The following TSPAN2 variants were observed in gnomAD, a reference collection of about 807,000 sequenced individuals.
TSPAN2 encodes tetraspanin 2.
Under a neutral mutation model 33.3 loss-of-function variants are expected in TSPAN2, and 24 were observed. The ratio of observed to expected loss-of-function variants is 0.72; its 90% confidence interval spans 0.52 to 1.01. The LOEUF (loss-of-function observed/expected upper bound fraction) is 1.01, where lower values mean the gene tolerates loss of function less well. TSPAN2 is among the 50% of genes least tolerant of loss of function. TSPAN2 has a pLI of 0.00. For synonymous variants in TSPAN2, 114 were observed against 104.5 expected, an observed-to-expected ratio of 1.09 and a Z score of -0.56; for missense variants, 278 against 281.3, an observed-to-expected ratio of 0.99 and a Z score of 0.08.
At chr1:115,082,153 T>C (rs1648649381) in intron 1 of TSPAN2, among the ~76,000 whole-genome samples, 1 of 152,256 alleles carries the variant, frequency 6.6e-6, no homozygotes, top group Non-Finnish European at 1.5e-5. Context: ...AGCTCTGAAA[T>C]GTAGCTAGTG....
Position 115,049,358 on chromosome 1 carries a change from T to C in TSPAN2, c.*1132A>G, listed in dbSNP as rs1427890458. ...TAGGAGAAGATGCTTTTCTTTATTT[T>C]GGTTTGGCCAAAGATGCTAATGGTT... is the stretch of plus-strand genomic sequence containing the variant. On this transcript the variant is annotated 3_prime_UTR_variant, in exon 8 of 8. Transcript: ENST00000369516. 1.3e-5 allele frequency: 2 copies of C among 152,760 alleles called. No homozygotes were observed. The highest frequency in any genetic ancestry group is 3.9e-4 in the East Asian group (2 of 5,188). 9.5% of individuals were successfully genotyped at this position (152,760 alleles called of 1,614,324 possible).
At chr1:115,065,869 G>A (rs990364555) in intron 2 of TSPAN2, among the ~76,000 whole-genome samples, 3 of 151,890 alleles carry the variant, frequency 2.0e-5, no homozygotes, top group African/African-American at 7.3e-5. Context: ...CTGTATTTTT[G>A]TACCCATTAA....
At chr1:115,051,146 C>CA (rs1675304529) in intron 7 of TSPAN2, among the ~76,000 whole-genome samples, 1 of 151,884 alleles carries the variant, frequency 6.6e-6, no homozygotes, top group Non-Finnish European at 1.5e-5. Context: ...CCTGTCACTA[C>CA]AAAAAATACA....
At chr1:115,057,440 G>A (rs1383419342) in intron 6 of TSPAN2, 97 bp downstream of exon 6, 1 of 1,214,656 alleles carries the variant, frequency 8.2e-7, no homozygotes, top group African/African-American at 1.5e-5. Context: ...AGCAAATTCA[G>A]TAAAATGCAG....
chr1:115,048,094 C>A lies in TSPAN2; in HGVS notation c.*2396G>T, dbSNP rs1401697280. ...CTTAATTCAGTGCCTTGGCATGAGA[C>A]ATTTAAAAGCATGTTTGGGTCTAAT... On this transcript the variant is annotated 3_prime_UTR_variant, in exon 8 of 8. Transcript: ENST00000369516. 2 of 151,468 alleles carry A rather than the reference C, an allele frequency of 1.3e-5. No homozygotes were observed. The highest frequency in any genetic ancestry group is 4.8e-5 in the African/African-American group (2 of 41,246). 9.4% of individuals were successfully genotyped at this position (151,468 alleles called of 1,614,324 possible).
intron 2 of TSPAN2, among the ~76,000 whole-genome samples, chr1:115,072,320 C>A (rs2101039078): frequency 6.6e-6 from 1 of 152,232 alleles, no homozygotes; most frequent in African/African-American, 2.4e-5. Flanking sequence ...TCCTCTCCCT[C>A]CATCCCTCCT....
chr1:115,053,343 A>G, intron 7 of TSPAN2, 36 bp downstream of exon 7: 3 of 1,580,700 alleles, frequency 1.9e-6, no homozygotes, highest in Non-Finnish European at 2.6e-6. Context: ...AAGGCTTTTT[A>G]GAGGGCAAAA....
intron 2 of TSPAN2, among the ~76,000 whole-genome samples, chr1:115,068,738 G>A (rs905394880): frequency 6.6e-6 from 1 of 152,112 alleles, no homozygotes; most frequent in Admixed American, 6.5e-5. Context: ...CTGGAGAGCA[G>A]GTATCTTATG....
chr1:115,050,283 T>A lies in TSPAN2; in HGVS notation c.*207A>T, dbSNP rs967851832. On this transcript the variant is annotated 3_prime_UTR_variant, in exon 8 of 8. Coordinates refer to ENST00000369516, the MANE Select transcript of TSPAN2 (RefSeq NM_005725.6). Reference sequence around the variant, plus strand: ...ATTCCAGAAACACGCAGATCACACATGAATATGCTCTCAGTCATCATAAAC... The same window carrying A: ...ATTCCAGAAACACGCAGATCACACAAGAATATGCTCTCAGTCATCATAAAC... 8 of 609,086 alleles carry A rather than the reference T, an allele frequency of 1.3e-5. No individual in the cohort carries two copies. The highest frequency in any genetic ancestry group is 1.3e-4 in the African/African-American group (7 of 53,452). The allele number at this position is 609,086 out of a possible 1,614,324, so 37.7% of individuals were successfully genotyped here.
intron 1 of TSPAN2, among the ~76,000 whole-genome samples, chr1:115,088,138 C>T (rs1469934746): frequency 6.6e-6 from 1 of 152,200 alleles, no homozygotes; most frequent in African/African-American, 2.4e-5. Flanking sequence ...CAGGGGATGT[C>T]GAGGAGGTAC....
At chr1:115,051,293 C>T (rs1190936949) in intron 7 of TSPAN2, among the ~76,000 whole-genome samples, 1 of 151,916 alleles carries the variant, frequency 6.6e-6, no homozygotes, top group Non-Finnish European at 1.5e-5. Flanking sequence ...TGACAGAGAC[C>T]CTGTCTCACA....
intron 2 of TSPAN2, among the ~76,000 whole-genome samples, chr1:115,067,475 A>G (rs1647995173): frequency 6.6e-6 from 1 of 152,224 alleles, no homozygotes; most frequent in Non-Finnish European, 1.5e-5. Context: ...AATGCTCTGG[A>G]GAAATTGTCT....
At chr1:115,065,954 T>C (rs1647934926) in intron 2 of TSPAN2, among the ~76,000 whole-genome samples, 2 of 151,756 alleles carry the variant, frequency 1.3e-5, no homozygotes, top group African/African-American at 4.8e-5. Context: ...TCGGCCTCCA[T>C]GAGATCCACT....
chr1:115,073,155 G>A, intron 1 of TSPAN2, 148 bp from the exon 2 acceptor site: 6 of 684,252 alleles, frequency 8.8e-6, no homozygotes, highest in South Asian at 8.5e-5. Flanking sequence ...AGAAAATGAA[G>A]GCTCAGAGAG....
At position 115,050,289 on chromosome 1, in the gene TSPAN2, T is replaced by C. The variant is rs1675277483; in HGVS notation, c.*201A>G. The C allele has an allele frequency of 4.8e-6, 3 of 619,688 alleles. No homozygotes were observed. The highest frequency in any genetic ancestry group is 8.6e-6 in the Non-Finnish European group (3 of 349,374). The allele number at this position is 619,688 out of a possible 1,614,324, so 38.4% of individuals were successfully genotyped here. ...GAAACACGCAGATCACACATGAATA[T>C]GCTCTCAGTCATCATAAACAGGCAT... On this transcript the variant is annotated 3_prime_UTR_variant, in exon 8 of 8. Transcript: ENST00000369516.
intron 1 of TSPAN2, among the ~76,000 whole-genome samples, chr1:115,080,587 T>C (rs1243326181): frequency 6.6e-6 from 1 of 152,210 alleles, no homozygotes; most frequent in Non-Finnish European, 1.5e-5. Context: ...TGTAGTCTTC[T>C]TTATACTATA....
chr1:115,087,144 C>T (rs993767672), intron 1 of TSPAN2, among the ~76,000 whole-genome samples: 4 of 151,902 alleles, frequency 2.6e-5, no homozygotes, highest in African/African-American at 7.3e-5. Context: ...GTCTCGAACT[C>T]CTGACCTCAG....
At position 115,058,972 on chromosome 1, in the gene TSPAN2, G is replaced by A. The variant is rs1307032140; in HGVS notation, c.355C>T (p.His119Tyr). ...GCCTCTTCATACATGGTCTGAACATGTCGGATAGCCTGAAGAAATACAAGG... is the reference window on the plus strand; with the variant it reads ...GCCTCTTCATACATGGTCTGAACATATCGGATAGCCTGAAGAAATACAAGG... Reference protein sequence around the residue: ...AFIGKGVAIRHVQTMYEEAYN... With the variant: ...AFIGKGVAIRYVQTMYEEAYN... The change falls in exon 5 of 8, where the codon CAT (histidine) becomes TAT (tyrosine). Residue 119 changes from histidine (H) to tyrosine (Y), a missense_variant. Coordinates refer to ENST00000369516, the MANE Select transcript of TSPAN2 (RefSeq NM_005725.6). 2 of 1,613,300 alleles carry A rather than the reference G, an allele frequency of 1.2e-6. No homozygotes were observed. Among genetic ancestry groups the A allele is most frequent in the African/African-American group, 2.7e-5 (2 of 74,866 alleles).
At chr1:115,071,579 T>G (rs1254476918) in intron 2 of TSPAN2, among the ~76,000 whole-genome samples, 2 of 152,258 alleles carry the variant, frequency 1.3e-5, no homozygotes, top group African/African-American at 2.4e-5. Flanking sequence ...ATTTTAACAA[T>G]GCTGAAATTA....
Sources: gnomAD v4.1 joint callset for allele counts (sites outside exome capture counted in the v4.1 genomes callset) on GRCh38, gnomAD v4.1.1 for gene constraint, MANE v1.5 for transcripts, NCBI Gene and HGNC (gene_info 2026-07-23, HGNC 2026-07-21) for gene names.